Variants in ULK4 observed in about 807,000 individuals in gnomAD.
ULK4 encodes inactive serine/threonine-protein kinase ULK4.
In ULK4, 133 loss-of-function variants were observed where a neutral mutation model predicts 160.6. That is an observed-to-expected ratio of 0.83 (90% CI 0.72 to 0.96). The LOEUF (loss-of-function observed/expected upper bound fraction) is 0.96, where lower values mean the gene tolerates loss of function less well. Ranked by LOEUF, ULK4 falls within the 40% of genes least tolerant of loss-of-function variation. ULK4 has a pLI of 0.00. For synonymous variants in ULK4, 534 were observed against 539.8 expected (o/e 0.99, Z 0.15); for missense variants, 1,580 against 1,499.5 (o/e 1.05, Z -0.89).
At chr3:41,291,899 C>T (rs4973874) in intron 35 of ULK4, among the ~76,000 whole-genome samples, 23,771 of 150,738 alleles carry the variant, frequency 0.16, 2,263 homozygotes, top group African/African-American at 0.26. Context: ...GGCGCAATCT[C>T]GGCTCACTGC....
At chr3:41,665,445 C>G (rs1189150465) in intron 29 of ULK4, among the ~76,000 whole-genome samples, 1 of 152,098 alleles carries the variant, frequency 6.6e-6, no homozygotes, top group Non-Finnish European at 1.5e-5. Flanking sequence ...ACCTGAGAGC[C>G]CACTACACAC....
intron 35 of ULK4, among the ~76,000 whole-genome samples, chr3:41,316,889 T>A (rs1259962982): frequency 6.6e-6 from 1 of 152,170 alleles, no homozygotes; most frequent in African/African-American, 2.4e-5. Flanking sequence ...AAATCTTTAT[T>A]AAGTAAATGA....
intron 35 of ULK4, among the ~76,000 whole-genome samples, chr3:41,330,138 G>T (rs9819828): frequency 0.23 from 35,077 of 152,014 alleles, 4,181 homozygotes; most frequent in African/African-American, 0.25. Context: ...ATGCCAGAGA[G>T]ATTAGAATTT....
At chr3:41,250,218 C>A (rs1205211982) in intron 35 of ULK4, among the ~76,000 whole-genome samples, 2 of 152,140 alleles carry the variant, frequency 1.3e-5, no homozygotes, top group Admixed American at 6.5e-5. Flanking sequence ...CACCCAGAGA[C>A]CTCACAATTC....
chr3:41,592,207 A>G (rs9837736), intron 31 of ULK4, among the ~76,000 whole-genome samples: 15,995 of 152,228 alleles, frequency 0.11, 2,742 homozygotes, highest in African/African-American at 0.36. Context: ...CTGAAGGTCT[A>G]AATCACAGAA....
chr3:41,545,427 A>G (rs1332124339), intron 32 of ULK4, among the ~76,000 whole-genome samples: 1 of 152,184 alleles, frequency 6.6e-6, no homozygotes, highest in African/African-American at 2.4e-5. Flanking sequence ...GCAACTTTAT[A>G]TTCTTTCGGC....
chr3:41,566,910 C>T (rs2087801069), intron 31 of ULK4, among the ~76,000 whole-genome samples: 1 of 152,068 alleles, frequency 6.6e-6, no homozygotes, highest in Admixed American at 6.6e-5. Context: ...TAGGATGAGG[C>T]AAGAGAGACA....
intron 35 of ULK4, among the ~76,000 whole-genome samples, chr3:41,346,640 T>G (rs2080806299): frequency 6.6e-6 from 1 of 152,160 alleles, no homozygotes; most frequent in Non-Finnish European, 1.5e-5. Context: ...GTTTAATATT[T>G]TCAAGTTTTT....
chr3:41,298,759 T>C (rs1003934071), intron 35 of ULK4, among the ~76,000 whole-genome samples: 7 of 152,190 alleles, frequency 4.6e-5, no homozygotes, highest in Admixed American at 6.5e-5. Context: ...TGGTATGGCA[T>C]TGGACTGAGA....
Position 41,455,551 on chromosome 3 carries a change from G to C in ULK4, c.3438C>G (p.Asp1146Glu), listed in dbSNP as rs763266797. 7 of 1,614,030 alleles carry C rather than the reference G, an allele frequency of 4.3e-6. No homozygotes were observed. In the Admixed American group the frequency reaches 1.2e-4, roughly 27 times the overall value. Reference sequence around the variant, plus strand: ...TCAGAGGTCTGTTGAGCAGCAGCAGGTCTTCTGCAGCCTGAGGGTCCTCTC... The same window carrying C: ...TCAGAGGTCTGTTGAGCAGCAGCAGCTCTTCTGCAGCCTGAGGGTCCTCTC... ...GSGEDPQAAE[D>E]LLLLNRPLTD... The change falls in exon 34 of 37, where the codon GAC (aspartate) becomes GAG (glutamate). Residue 1146 changes from aspartate (D) to glutamate (E), a missense_variant. Physicochemically the swap from Asp to Glu is conservative, Grantham distance 45. Coordinates refer to ENST00000301831, the MANE Select transcript of ULK4 (RefSeq NM_017886.4).
At chr3:41,936,170 T>C (rs1166631647) in intron 3 of ULK4, among the ~76,000 whole-genome samples, 1 of 152,184 alleles carries the variant, frequency 6.6e-6, no homozygotes, top group Non-Finnish European at 1.5e-5. Flanking sequence ...TCCCTATGGA[T>C]GAATGGTGAG....
At chr3:41,581,356 G>A (rs544412621) in intron 31 of ULK4, among the ~76,000 whole-genome samples, 106 of 152,234 alleles carry the variant, frequency 7.0e-4, no homozygotes, top group Non-Finnish European at 1.2e-3. Context: ...ACAATGAATG[G>A]ATTATAGCTA....
Position 41,528,081 on chromosome 3 carries a change from T to C in ULK4, c.3226+37944A>G, listed in dbSNP as rs545603563. Among the ~76,000 whole-genome samples the C allele has an allele frequency of 1.2e-3, 184 of 152,324 alleles. 2 individuals are homozygous for C. The South Asian group carries it at 0.017, about 14-fold the overall frequency. ...TTATTTGAGTATGTATGAGATTCCA[T>C]GTAGCCAATGGAATTTCAAATCTCT... On this transcript the variant is annotated intron_variant, in intron 32 of 36. Coordinates refer to ENST00000301831, the MANE Select transcript of ULK4 (RefSeq NM_017886.4).
At chr3:41,872,292 A>G (rs1036057642) in intron 17 of ULK4, among the ~76,000 whole-genome samples, 11 of 152,136 alleles carry the variant, frequency 7.2e-5, no homozygotes, top group African/African-American at 2.7e-4. Flanking sequence ...TTAACCTCCC[A>G]GCTGCTGCTT....
intron 32 of ULK4, among the ~76,000 whole-genome samples, chr3:41,511,141 C>T (rs1207293951): frequency 1.4e-4 from 18 of 129,204 alleles, no homozygotes; most frequent in East Asian, 4.5e-4. Context: ...CCAGCCTGGG[C>T]GACAGAGCGA....
intron 34 of ULK4, among the ~76,000 whole-genome samples, chr3:41,398,710 C>T (rs2082117567): frequency 6.6e-6 from 1 of 151,836 alleles, no homozygotes; most frequent in African/African-American, 2.4e-5. Context: ...TTTTTAAATG[C>T]ATCTTTTTCA....
At chr3:41,669,668 TATA>T (rs2035467340) in intron 29 of ULK4, among the ~76,000 whole-genome samples, 1 of 152,190 alleles carries the variant, frequency 6.6e-6, no homozygotes, top group South Asian at 2.1e-4. Context: ...TAGCATTATA[TATA>T]ATGTAAAATA....
intron 34 of ULK4, among the ~76,000 whole-genome samples, chr3:41,445,534 C>T (rs1273707751): frequency 6.6e-6 from 1 of 151,906 alleles, no homozygotes; most frequent in African/African-American, 2.4e-5. Context: ...AGATATAGAT[C>T]AATGGAACAG....
Position 41,562,790 on chromosome 3 carries a change from C to T in ULK4, c.3226+3235G>A, listed in dbSNP as rs529336889. On this transcript the variant is annotated intron_variant, in intron 32 of 36. Transcript: ENST00000301831. ...AGATGAGTCTCCTGAACACAGCACACTGATGGGTCTTGATTCTTTATCCAA... is the reference window on the plus strand; with the variant it reads ...AGATGAGTCTCCTGAACACAGCACATTGATGGGTCTTGATTCTTTATCCAA... Among the ~76,000 whole-genome samples, 2 of 152,280 alleles carry T rather than the reference C, an allele frequency of 1.3e-5. 1 individual carries two copies. Among genetic ancestry groups the T allele is most frequent in the African/African-American group, 4.8e-5 (2 of 41,564 alleles).
Sources: gnomAD v4.1 joint callset for allele counts (sites outside exome capture counted in the v4.1 genomes callset) on GRCh38, gnomAD v4.1.1 for gene constraint, MANE v1.5 for transcripts, NCBI Gene and HGNC (gene_info 2026-07-23, HGNC 2026-07-21) for gene names.